Variants in CHD9 observed in about 807,000 individuals in gnomAD.
The protein encoded by CHD9 is ATP-dependent chromatin remodeler CHD9.
A neutral mutation model predicts 316.1 loss-of-function variants in CHD9; 77 were observed. The ratio of observed to expected loss-of-function variants is 0.24; its 90% CI spans 0.20 to 0.29. The LOEUF (loss-of-function observed/expected upper bound fraction) is 0.29. Ranked by LOEUF, CHD9 falls within the 10% of genes least tolerant of loss-of-function variation. CHD9 has a pLI of 1.00. For missense variants in CHD9, 2,763 were observed against 3,438.1 expected (o/e 0.80, Z 4.91); for synonymous variants, 1,129 against 1,158.3 (o/e 0.97, Z 0.51).
chr16:53,148,491 A>C (rs937704550), intron 1 of CHD9, among the ~76,000 whole-genome samples: 1 of 152,210 alleles, frequency 6.6e-6, no homozygotes, highest in Admixed American at 6.5e-5. Context: ...GAGGGTTCCA[A>C]TTTCTTCACA....
intron 2 of CHD9, among the ~76,000 whole-genome samples, chr16:53,172,004 G>A (rs2042788545): frequency 6.6e-6 from 1 of 151,546 alleles, no homozygotes; most frequent in Non-Finnish European, 1.5e-5. Flanking sequence ...TTACCTATTT[G>A]TTTTCTATAT....
rs767524130 is a variant in CHD9, at chr16:53,314,428, A to T, written c.7274A>T (p.Gln2425Leu). Residue 2425 changes from glutamine to leucine, a missense_variant, in exon 35 of 39, where the codon CAG becomes CTG. Around this residue, in one of 15 missense-constraint regions of CHD9, gnomAD observed 663 missense variants for 751.2 expected, o/e 0.88. Transcript: ENST00000447540. ...LGANGVILDN[Q>L]PIVKKRRGRR... ...GCCAATGGTGTGATATTAGACAACC[A>T]GCCTATAGTCAAAAAAAGGCGAGGA... 1 of 1,589,786 alleles carries T rather than the reference A, an allele frequency of 6.3e-7. No homozygotes were observed. Among genetic ancestry groups the T allele is most frequent in the South Asian group, 1.1e-5 (1 of 87,280 alleles).
intron 1 of CHD9, among the ~76,000 whole-genome samples, chr16:53,082,942 C>G (rs1041597720): frequency 2.0e-5 from 3 of 152,192 alleles, no homozygotes; most frequent in Admixed American, 1.3e-4. Flanking sequence ...CTGTGGTTTC[C>G]CATCAGTCGT....
In CHD9 at chr16:53,120,481, C is replaced by T. The variant is rs1306104521; in HGVS notation, c.-164-35445C>T. On this transcript the variant is annotated intron_variant, in intron 1 of 38. Coordinates refer to ENST00000447540, the MANE Select transcript of CHD9 (RefSeq NM_001308319.2). ...ATACAAAATTAGCCGGGTGTGGTGG[C>T]GCATGCCTGTAATCCCAGCTACTAA... 6.6e-5 allele frequency among the ~76,000 whole-genome samples: 10 copies of T among 151,792 alleles called. No homozygotes were observed. The South Asian group carries it at 8.3e-4, about 13-fold the overall frequency.
At chr16:53,246,571 G>C (rs2049637099) in intron 15 of CHD9, among the ~76,000 whole-genome samples, 1 of 152,034 alleles carries the variant, frequency 6.6e-6, no homozygotes, top group African/African-American at 2.4e-5. Flanking sequence ...CCAGGCTGGA[G>C]TACAGAGGTG....
intron 2 of CHD9, among the ~76,000 whole-genome samples, chr16:53,176,482 G>A (rs2043109486): frequency 6.6e-6 from 1 of 152,178 alleles, no homozygotes; most frequent in African/African-American, 2.4e-5. Context: ...CACAGGTTTT[G>A]AGGATTAGGA....
At chr16:53,263,130 C>G (rs964825080) in intron 20 of CHD9, 33 bp downstream of exon 20, 1 of 1,501,256 alleles carries the variant, frequency 6.7e-7, no homozygotes, top group African/African-American at 1.4e-5. Context: ...AATAAACTTG[C>G]TTTTGGGATA....
At position 53,258,601 on chromosome 16, in the gene CHD9, A is replaced by G. The variant is rs115188024; in HGVS notation, c.4209+2822A>G. On this transcript the variant is annotated intron_variant, in intron 19 of 38. Transcript: ENST00000447540. Reference sequence around the variant, plus strand: ...TCAGCTCTGCTCAACTGTTTTCAACAATCTGAAGAAATAAAATAATTCCAT... The same window carrying G: ...TCAGCTCTGCTCAACTGTTTTCAACGATCTGAAGAAATAAAATAATTCCAT... Among the ~76,000 whole-genome samples, 429 of 152,278 alleles carry G rather than the reference A, an allele frequency of 2.8e-3. 3 individuals carry two copies. Among genetic ancestry groups the G allele is most frequent in the African/African-American group, 9.9e-3 (413 of 41,564 alleles).
intron 1 of CHD9, among the ~76,000 whole-genome samples, chr16:53,114,886 C>A (rs2038171954): frequency 6.6e-6 from 1 of 152,302 alleles, no homozygotes; most frequent in African/African-American, 2.4e-5. Context: ...CGTGCCAGGC[C>A]AGCATTATTT....
chr16:53,103,000 C>T (rs971998774), intron 1 of CHD9, among the ~76,000 whole-genome samples: 1 of 151,824 alleles, frequency 6.6e-6, no homozygotes, highest in Non-Finnish European at 1.5e-5. Flanking sequence ...CACCCGCCAC[C>T]ACCCCTGGCT....
intron 1 of CHD9, among the ~76,000 whole-genome samples, chr16:53,113,997 C>T (rs1373994056): frequency 6.6e-6 from 1 of 151,786 alleles, no homozygotes; most frequent in African/African-American, 2.4e-5. Context: ...CCACCACACC[C>T]AACCTTTATT....
intron 1 of CHD9, among the ~76,000 whole-genome samples, chr16:53,105,045 A>T (rs1330289274): frequency 1.3e-5 from 2 of 152,064 alleles, no homozygotes; most frequent in South Asian, 4.1e-4. Context: ...GGTCTCGCTA[A>T]TTGCCCAGCC....
chr16:53,156,790 C>T lies in CHD9; in HGVS notation c.701C>T (p.Thr234Met), dbSNP rs772196014. 8 of 1,613,836 alleles carry T rather than the reference C, an allele frequency of 5.0e-6. No individual in the cohort carries two copies. The highest frequency in any genetic ancestry group is 2.2e-5 in the East Asian group (1 of 44,870). ...ATTTCAATGCAGCAATTTTCTCAAACGTCAAATCCTTCAGCACACTTCCAC... is the reference window on the plus strand; with the variant it reads ...ATTTCAATGCAGCAATTTTCTCAAATGTCAAATCCTTCAGCACACTTCCAC... The part of the protein sequence containing the change: ...QSISMQQFSQ[T>M]SNPSAHFHKC... Residue 234 changes from threonine to methionine, a missense_variant, in exon 2 of 39, where the codon ACG becomes ATG. Physicochemically the swap from Thr to Met is moderately conservative, Grantham distance 81 (BLOSUM62 -1). Around this residue, in one of 15 missense-constraint regions of CHD9, gnomAD observed 859 missense variants for 890.4 expected, o/e 0.96. Transcript: ENST00000447540.
rs2048526865 is a variant in CHD9 at position 53,235,317 on chromosome 16, T to C, written c.2633+11T>C. On this transcript the variant is annotated intron_variant, in intron 11 of 38. Transcript: ENST00000447540. ...CAATTGGTACAATAGGTATGTAGTA[T>C]ATCTTAATAAAAAAAATTTATTTTT... 1 of 1,504,706 alleles carries C rather than the reference T, an allele frequency of 6.6e-7. No homozygotes were observed. The allele number at this position is 1,504,706 out of a possible 1,614,324, so 93.2% of individuals were successfully genotyped here.
At chr16:53,123,007 G>A (rs535915879) in intron 1 of CHD9, among the ~76,000 whole-genome samples, 177 of 142,772 alleles carry the variant, frequency 1.2e-3, no homozygotes, top group African/African-American at 4.5e-3. Context: ...GTGAGCCACC[G>A]CGCCCGGCCC....
At chr16:53,296,434 ATTT>A (rs35618799) in intron 29 of CHD9, among the ~76,000 whole-genome samples, 388 of 101,726 alleles carry the variant, frequency 3.8e-3, no homozygotes, top group Non-Finnish European at 6.2e-3. Flanking sequence ...TTAAAAGTAA[ATTT>A]TTTTTTTTTT....
intron 1 of CHD9, among the ~76,000 whole-genome samples, chr16:53,110,477 A>G (rs927818562): frequency 1.2e-4 from 18 of 152,072 alleles, no homozygotes; most frequent in Non-Finnish European, 2.2e-4. Context: ...TGCTGCTTTC[A>G]TGGGCTGGCA....
chr16:53,148,257 T>G (rs1336445631), intron 1 of CHD9, among the ~76,000 whole-genome samples: 1 of 152,198 alleles, frequency 6.6e-6, no homozygotes, highest in Non-Finnish European at 1.5e-5. Flanking sequence ...TGTTTTTGTT[T>G]TTTAGACACA....
intron 19 of CHD9, 21 bp from the exon 20 acceptor site, chr16:53,262,966 A>C: frequency 6.3e-7 from 1 of 1,580,558 alleles, no homozygotes; most frequent in South Asian, 1.1e-5. Flanking sequence ...TTTCCTCTAA[A>C]ACTGCCATTA....
Sources: gnomAD v4.1 joint callset for allele counts (sites outside exome capture counted in the v4.1 genomes callset) on GRCh38, gnomAD v4.1.1 for gene constraint, gnomAD v4.1.1 regional missense constraint, MANE v1.5 for transcripts, NCBI Gene and HGNC (gene_info 2026-07-23, HGNC 2026-07-21) for gene names.